ADRA1B: variants seen among roughly 807,000 people sequenced by gnomAD.
ADRA1B encodes the protein alpha-1B adrenergic receptor.
In ADRA1B, 17 loss-of-function variants were observed where a neutral mutation model predicts 17.9. The observed-to-expected ratio is 0.95, with a 90% CI of 0.65 to 1.42. The LOEUF (loss-of-function observed/expected upper bound fraction) is 1.42, where lower values mean the gene tolerates loss of function less well. Among genes scored for constraint, ADRA1B ranks in the 40% most tolerant of loss-of-function variants. The pLI is 0.00. For synonymous variants in ADRA1B, 366 were observed against 327.6 expected, an observed-to-expected ratio of 1.12 and a Z score of -1.27; for missense variants, 681 against 722.1, an observed-to-expected ratio of 0.94 and a Z score of 0.65.
chr5:159,901,625 G>A (rs1199830932), intron 1 of ADRA1B, among the ~76,000 whole-genome samples: 1 of 152,130 alleles, frequency 6.6e-6, no homozygotes, highest in Non-Finnish European at 1.5e-5. Context: ...GTTCATCTCA[G>A]CTCTTCTCAG....
Position 159,918,096 on chromosome 5 carries a change from T to C in ADRA1B, c.949+242T>C, listed in dbSNP as rs1410736393. Among the ~76,000 whole-genome samples the C allele has an allele frequency of 2.6e-5, 4 of 152,094 alleles. No homozygotes were observed. In the East Asian group the frequency reaches 7.7e-4, roughly 29 times the overall value. The stretch of plus-strand genomic sequence containing the variant: ...TGGAAATAGAACCAGGGAAGGAAAA[T>C]CTGGTATGAGGAATGACTCACTCAA... On this transcript the variant is annotated intron_variant, in intron 1 of 1. Transcript: ENST00000306675.
intron 1 of ADRA1B, among the ~76,000 whole-genome samples, chr5:159,968,584 A>G (rs1755814825): frequency 6.6e-6 from 1 of 152,174 alleles, no homozygotes; most frequent in Admixed American, 6.5e-5. Context: ...TTCGCCTTCC[A>G]AAGTGCTGGG....
In ADRA1B at chr5:159,916,688, C is replaced by G; in HGVS notation, c.-218C>G. Reference sequence around the variant, plus strand: ...ACTTGGAGCTGCCGCCTCGTCCCCTCTCCTCCTCCTCCTCCCTCTGACAGG... The same window carrying G: ...ACTTGGAGCTGCCGCCTCGTCCCCTGTCCTCCTCCTCCTCCCTCTGACAGG... On this transcript the variant is annotated 5_prime_UTR_variant, in exon 1 of 2. Transcript: ENST00000306675. 2.0e-6 allele frequency: 1 copy of G among 499,566 alleles called. No homozygotes were observed. Among genetic ancestry groups the G allele is most frequent in the Non-Finnish European group, 3.5e-6 (1 of 282,384 alleles). The allele number at this position is 499,566 out of a possible 1,614,324, so 30.9% of individuals were successfully genotyped here. A position where few individuals can be genotyped will look rare whatever the true frequency, so the allele number is the denominator to read the frequency against.
chr5:159,909,920 G>A (rs1369329725), intron 1 of ADRA1B, among the ~76,000 whole-genome samples: 9 of 152,270 alleles, frequency 5.9e-5, no homozygotes, highest in Middle Eastern at 3.4e-3. Context: ...GGTAAAGAAC[G>A]TATCCACAGC....
At chr5:159,895,288 T>C (rs1581022951) in intron 1 of ADRA1B, among the ~76,000 whole-genome samples, 2 of 152,306 alleles carry the variant, frequency 1.3e-5, no homozygotes, top group South Asian at 4.1e-4. Flanking sequence ...CCAGGCCCAG[T>C]GGAATCTTCA....
At chr5:159,871,440 G>T (rs1381277773) in intron 1 of ADRA1B, 1 of 152,116 alleles carries the variant, frequency 6.6e-6, no homozygotes, top group East Asian at 1.9e-4. Flanking sequence ...AAATCAAGGG[G>T]TCAGCAGGGC....
rs1561613043 is a variant in ADRA1B at position 159,972,156 on chromosome 5, CAGCGGCAGCTGCCTG to C, written c.1237_1251del (p.Cys413_Ser417del). ...AGTCGCGCAAGGACTCGCTGGACGACAGCGGCAGCTGCCTGAGCGGCAGCCAGCGGACCCTGCCCT... is the reference window on the plus strand; with the variant it reads ...AGTCGCGCAAGGACTCGCTGGACGACAGCGGCAGCCAGCGGACCCTGCCCT... On this transcript the variant is annotated inframe_deletion, in exon 2 of 2. Coordinates refer to ENST00000306675, the MANE Select transcript of ADRA1B (RefSeq NM_000679.4). 37 of 1,362,592 alleles carry C rather than the reference CAGCGGCAGCTGCCTG, an allele frequency of 2.7e-5. No homozygotes were observed. The highest frequency in any genetic ancestry group is 3.3e-5 in the Non-Finnish European group (35 of 1,048,534). The allele number at this position is 1,362,592 out of a possible 1,614,324, so 84.4% of individuals were successfully genotyped here. A position where few individuals can be genotyped will look rare whatever the true frequency, so the allele number is the denominator to read the frequency against.
At chr5:159,923,454 G>C (rs527344990) in intron 1 of ADRA1B, among the ~76,000 whole-genome samples, 1 of 152,382 alleles carries the variant, frequency 6.6e-6, no homozygotes, top group South Asian at 2.1e-4. Flanking sequence ...GGATGGGTTG[G>C]TGACGGCATA....
intron 1 of ADRA1B, among the ~76,000 whole-genome samples, chr5:159,882,042 T>A (rs1753868803): frequency 6.6e-6 from 1 of 152,220 alleles, no homozygotes; most frequent in Admixed American, 6.5e-5. Flanking sequence ...AGGTCCCATC[T>A]GCAAGCGCTG....
At chr5:159,918,054 G>A (rs904096806) in intron 1 of ADRA1B, among the ~76,000 whole-genome samples, 200 bp downstream of exon 1, 14 of 152,122 alleles carry the variant, frequency 9.2e-5, no homozygotes, top group Non-Finnish European at 1.9e-4. Flanking sequence ...AGTAGAACAC[G>A]CTAAGGCACT....
chr5:159,924,408 G>T (rs1282278576), intron 1 of ADRA1B, among the ~76,000 whole-genome samples: 1 of 152,134 alleles, frequency 6.6e-6, no homozygotes, highest in African/African-American at 2.4e-5. Flanking sequence ...TGGAATCACA[G>T]AAGACACCAT....
chr5:159,951,152 G>T (rs13171967), intron 1 of ADRA1B: 168,720 of 748,060 alleles, frequency 0.23, 19,691 homozygotes, highest in East Asian at 0.3. Context: ...GATGACCCTT[G>T]TAGCTCCTCC....
intron 1 of ADRA1B, among the ~76,000 whole-genome samples, chr5:159,962,274 C>T (rs891382526): frequency 1.3e-5 from 2 of 152,092 alleles, no homozygotes; most frequent in African/African-American, 4.8e-5. Context: ...GACAGGGGAC[C>T]ACAGGCACAT....
chr5:159,876,966 A>G (rs1753810686), intron 1 of ADRA1B, among the ~76,000 whole-genome samples: 1 of 152,174 alleles, frequency 6.6e-6, no homozygotes, highest in Admixed American at 6.5e-5. Context: ...CCAAGGGCCC[A>G]GAATTTGTTC....
intron 1 of ADRA1B, among the ~76,000 whole-genome samples, chr5:159,952,148 C>G (rs1208750098): frequency 6.6e-6 from 1 of 152,150 alleles, no homozygotes; most frequent in East Asian, 1.9e-4. Context: ...CCTTTTGGTA[C>G]AGGAGGCCCT....
intron 1 of ADRA1B, among the ~76,000 whole-genome samples, chr5:159,898,796 A>G (rs1396528449): frequency 2.6e-5 from 4 of 152,228 alleles, no homozygotes; most frequent in Non-Finnish European, 5.9e-5. Context: ...TGAGCTACTC[A>G]CTTAAAACAG....
At chr5:159,888,958 T>A (rs1436913651) in intron 1 of ADRA1B, among the ~76,000 whole-genome samples, 1 of 152,196 alleles carries the variant, frequency 6.6e-6, no homozygotes, top group African/African-American at 2.4e-5. Flanking sequence ...GCCAAAAACA[T>A]CCCACATCCC....
chr5:159,878,456 T>C (rs765996906), intron 1 of ADRA1B, among the ~76,000 whole-genome samples: 12 of 152,192 alleles, frequency 7.9e-5, no homozygotes, highest in Non-Finnish European at 1.8e-4. Context: ...CCAGACCATC[T>C]CAGGCAGTTC....
intron 1 of ADRA1B, among the ~76,000 whole-genome samples, chr5:159,963,149 A>C (rs1251348456): frequency 2.0e-5 from 3 of 150,902 alleles, no homozygotes; most frequent in Non-Finnish European, 4.4e-5. Flanking sequence ...GAAAACACCA[A>C]AAAGCACAGA....
Sources: allele counts gnomAD v4.1 joint callset (sites outside exome capture counted in the v4.1 genomes callset), GRCh38; gene constraint gnomAD v4.1.1; transcripts MANE v1.5; gene names NCBI Gene and HGNC (gene_info 2026-07-23, HGNC 2026-07-21).